SLC16A2: variants seen among roughly 807,000 people sequenced by gnomAD.
SLC16A2 encodes the protein solute carrier family 16 member 2.
SLC16A2 carries 3 observed loss-of-function variants against 27.2 expected under a neutral mutation model. The ratio of observed to expected loss-of-function variants is 0.11; its 90% CI spans 0.05 to 0.28. SLC16A2 has a LOEUF of 0.28. SLC16A2 is among the 10% of genes least tolerant of loss of function. The probability of loss-of-function intolerance (pLI) is 1.00; values close to 1 mark genes in which losing one functional copy is unlikely to be tolerated. For missense variants in SLC16A2, 295 were observed against 458.5 expected, an observed-to-expected ratio of 0.64 and a Z score of 3.26; for synonymous variants, 202 against 187.8, an observed-to-expected ratio of 1.08 and a Z score of -0.62.
intron 1 of SLC16A2, among the ~76,000 whole-genome samples, chrX:74,443,746 G>A (rs944817456): frequency 8.9e-6 from 1 of 112,228 alleles, no homozygotes; most frequent in Non-Finnish European, 1.9e-5. Context: ...GTTTGTGTGC[G>A]TCCTTCTCTG....
intron 1 of SLC16A2, among the ~76,000 whole-genome samples, chrX:74,498,804 G>A (rs1184317462): frequency 2.7e-5 from 3 of 111,926 alleles, no homozygotes; most frequent in African/African-American, 9.8e-5. Context: ...GAGCTATTGA[G>A]GAGCTGTCTG....
chrX:74,496,993 C>T (rs1158649570), intron 1 of SLC16A2, among the ~76,000 whole-genome samples: 1 of 111,946 alleles, frequency 8.9e-6, no homozygotes, highest in Admixed American at 9.4e-5. Context: ...GCGCTCCTCT[C>T]TGTGTTTAGC....
intron 1 of SLC16A2, among the ~76,000 whole-genome samples, chrX:74,493,620 T>C (rs1479233961): frequency 1.8e-5 from 2 of 112,427 alleles, no homozygotes; most frequent in African/African-American, 3.2e-5. Flanking sequence ...CCAATGCAGA[T>C]TTTTTCATTT....
At chrX:74,445,502 T>A (rs1928824509) in intron 1 of SLC16A2, among the ~76,000 whole-genome samples, 1 of 108,184 alleles carries the variant, frequency 9.2e-6, no homozygotes, top group Non-Finnish European at 1.9e-5. Flanking sequence ...CATGTCTGTA[T>A]GTCTTATGTC....
intron 1 of SLC16A2, among the ~76,000 whole-genome samples, chrX:74,435,514 TATATATATATGC>T (rs1569283917): frequency 1.7e-4 from 12 of 71,688 alleles, no homozygotes; most frequent in Admixed American, 9.6e-4. Context: ...TGTATATGCA[TATATATATATGC>T]ATATATATAT....
At chrX:74,446,364 C>T (rs1202751513) in intron 1 of SLC16A2, among the ~76,000 whole-genome samples, 1 of 111,709 alleles carries the variant, frequency 9.0e-6, no homozygotes, top group Admixed American at 9.6e-5. Context: ...GGCGCGGTTG[C>T]TCACATGTGT....
intron 1 of SLC16A2, among the ~76,000 whole-genome samples, chrX:74,476,806 C>A (rs1014667996): frequency 1.8e-5 from 2 of 111,712 alleles, no homozygotes; most frequent in African/African-American, 6.5e-5. Context: ...GTTGAACCAG[C>A]CTTGCATCCC....
intron 1 of SLC16A2, among the ~76,000 whole-genome samples, chrX:74,440,022 C>CA (rs955148501): frequency 1.8e-5 from 2 of 111,078 alleles, no homozygotes; most frequent in Non-Finnish European, 3.8e-5. Flanking sequence ...AAGGTTGGAA[C>CA]AAAAAAGAAT....
chrX:74,461,313 T>A (rs1929136595), intron 1 of SLC16A2, among the ~76,000 whole-genome samples: 1 of 111,734 alleles, frequency 8.9e-6, no homozygotes, highest in South Asian at 3.8e-4. Context: ...CTACCACTTT[T>A]TCTGTTTCCT....
At chrX:74,484,516 C>T (rs1041933135) in intron 1 of SLC16A2, among the ~76,000 whole-genome samples, 2 of 111,275 alleles carry the variant, frequency 1.8e-5, no homozygotes. Flanking sequence ...TAAAATGTTT[C>T]TTATCGGACT....
chrX:74,526,932 C>T (rs1930494565), intron 4 of SLC16A2, among the ~76,000 whole-genome samples: 2 of 112,631 alleles, frequency 1.8e-5, no homozygotes, highest in African/African-American at 6.5e-5. Flanking sequence ...GTGAGTCTTC[C>T]CTGCCAGTAT....
intron 1 of SLC16A2, among the ~76,000 whole-genome samples, chrX:74,422,868 C>T (rs1316512653): frequency 1.8e-5 from 2 of 112,913 alleles, no homozygotes; most frequent in Admixed American, 9.2e-5. Context: ...GCACCGCCCC[C>T]AACTTCAGCC....
In SLC16A2 at chrX:74,527,439, CAGG is replaced by C. The variant is rs754209720; in HGVS notation, c.1170+1549_1170+1551del. Among the ~76,000 whole-genome samples, 6 of 112,254 alleles carry C rather than the reference CAGG, an allele frequency of 5.3e-5. No individual in the cohort carries two copies. In the East Asian group the frequency reaches 1.7e-3, roughly 31 times the overall value. The stretch of plus-strand genomic sequence containing the variant: ...CCCCCCTTTCTCCCTGCATGTAATG[CAGG>C]AGTACAGGCCTAGGGGAGGAAACGA... On this transcript the variant is annotated intron_variant, in intron 4 of 5. Coordinates refer to ENST00000587091, the MANE Select transcript of SLC16A2 (RefSeq NM_006517.5).
At chrX:74,483,850 T>C (rs772976169) in intron 1 of SLC16A2, among the ~76,000 whole-genome samples, 7 of 111,071 alleles carry the variant, frequency 6.3e-5, no homozygotes, top group African/African-American at 2.3e-4. Context: ...ATGCTTGAGG[T>C]AGAGATTCCA....
chrX:74,501,469 G>A (rs1185296048), intron 1 of SLC16A2, among the ~76,000 whole-genome samples: 1 of 111,508 alleles, frequency 9.0e-6, no homozygotes, highest in Non-Finnish European at 1.9e-5. Flanking sequence ...ACTTTTCAGA[G>A]GCAGCTGATG....
In SLC16A2 at chrX:74,430,183, G is replaced by A. The variant is rs751467310; in HGVS notation, c.430+8116G>A. 2.3e-4 allele frequency among the ~76,000 whole-genome samples: 26 copies of A among 112,302 alleles called. 1 individual carries two copies. The highest frequency in any genetic ancestry group is 4.3e-4 in the Non-Finnish European group (23 of 53,311). Reference sequence around the variant, plus strand: ...CAACTTATTTTAATTCTCAACAACCGTATGAGGTAGGTACCATTATTTCCT... The same window carrying A: ...CAACTTATTTTAATTCTCAACAACCATATGAGGTAGGTACCATTATTTCCT... On this transcript the variant is annotated intron_variant, in intron 1 of 5. Transcript: ENST00000587091.
intron 1 of SLC16A2, among the ~76,000 whole-genome samples, chrX:74,438,445 A>G (rs1928664997): frequency 8.8e-6 from 1 of 113,225 alleles, no homozygotes; most frequent in African/African-American, 3.2e-5. Flanking sequence ...CATGATGCAC[A>G]CGTGTATAAG....
chrX:74,491,724 G>T (rs1929829269), intron 1 of SLC16A2, among the ~76,000 whole-genome samples: 1 of 112,403 alleles, frequency 8.9e-6, no homozygotes, highest in African/African-American at 3.2e-5. Context: ...AAATACCAGA[G>T]ACTCTTGCTA....
intron 1 of SLC16A2, among the ~76,000 whole-genome samples, chrX:74,500,514 A>G (rs1335605684): frequency 9.0e-6 from 1 of 111,282 alleles, no homozygotes; most frequent in South Asian, 3.9e-4. Context: ...AGCAGTATAC[A>G]CTGCACCATA....
Sources: allele counts gnomAD v4.1 joint callset (sites outside exome capture counted in the v4.1 genomes callset), GRCh38; gene constraint gnomAD v4.1.1; transcripts MANE v1.5; gene names NCBI Gene and HGNC (gene_info 2026-07-23, HGNC 2026-07-21).